The following SETD1A variants were observed in gnomAD, a reference collection of about 807,000 sequenced individuals.
SETD1A encodes the protein histone-lysine N-methyltransferase SETD1A.
A neutral mutation model predicts 149.9 loss-of-function variants in SETD1A; 29 were observed. That is an observed-to-expected ratio of 0.19 (90% CI 0.14 to 0.26). SETD1A has a LOEUF of 0.26. Among genes scored for constraint, SETD1A ranks in the 10% least tolerant of loss-of-function variants. The probability of loss-of-function intolerance (pLI) is 1.00; values close to 1 mark genes in which losing one functional copy is unlikely to be tolerated. For missense variants in SETD1A, 2,109 were observed against 2,353.1 expected (o/e 0.90, Z 2.15); for synonymous variants, 1,141 against 968.5 (o/e 1.18, Z -3.31).
Position 30,965,899 on chromosome 16 carries a change from G to T in SETD1A, c.2018G>T (p.Trp673Leu). The T allele has an allele frequency of 6.2e-7, 1 of 1,613,062 alleles. No individual in the cohort carries two copies. The highest frequency in any genetic ancestry group is 8.5e-7 in the Non-Finnish European group (1 of 1,179,728). ...CTCATGGACCGACTTGGGGCTCAGT[G>T]GGGAGGGATGCCCATGTCCTTCCAG... ...LELMDRLGAQ[W>L]GGMPMSFQMQ... is the part of the protein sequence containing the mutation. The change falls in exon 8 of 19, where the codon TGG (tryptophan) becomes TTG (leucine). Residue 673 changes from tryptophan to leucine, a missense_variant. Physicochemically the swap from Trp to Leu is moderately conservative, Grantham distance 61 (BLOSUM62 -2). Coordinates refer to ENST00000262519, the MANE Select transcript of SETD1A (RefSeq NM_014712.3).
intron 13 of SETD1A, among the ~76,000 whole-genome samples, chr16:30,976,786 T>C (rs2056289473): frequency 6.6e-6 from 1 of 152,062 alleles, no homozygotes; most frequent in Non-Finnish European, 1.5e-5. Context: ...CAGGCGTGAT[T>C]GCCAAGTCCC....
chr16:30,964,128 C>T lies in SETD1A; in HGVS notation c.674C>T (p.Ala225Val), dbSNP rs776116671. The change falls in exon 6 of 19, where the codon GCT becomes GTT. Residue 225 changes from alanine to valine, a missense_variant. Transcript: ENST00000262519. Reference protein sequence around the residue: ...ESRRRSSSDTAAYPAGTTAVG... With the variant: ...ESRRRSSSDTVAYPAGTTAVG... ...CGCCGCCGCTCTTCCTCTGACACAG[C>T]TGCCTACCCAGCAGGCACCACTGCG... The T allele has an allele frequency of 3.1e-6, 5 of 1,614,050 alleles. No homozygotes were observed. In the Admixed American group the frequency reaches 8.3e-5, roughly 27 times the overall value.
intron 10 of SETD1A, among the ~76,000 whole-genome samples, chr16:30,968,419 CATAT>C (rs57608562): frequency 8.9e-5 from 13 of 145,346 alleles, no homozygotes; most frequent in South Asian, 6.5e-4. Context: ...AAAAAAAATA[CATAT>C]ATATATATAT....
chr16:30,959,207 T>C (rs190809952), intron 3 of SETD1A, 21 bp downstream of exon 3: 14 of 1,485,916 alleles, frequency 9.4e-6, no homozygotes, highest in Middle Eastern at 1.7e-4. Context: ...GCTGGGCTCC[T>C]GGTGTGGTAG....
At position 30,965,451 on chromosome 16, in the gene SETD1A, G is replaced by C; in HGVS notation, c.1709G>C (p.Gly570Ala). The change falls in exon 7 of 19, where the codon GGA becomes GCA. Residue 570 changes from glycine to alanine, a missense_variant. Around this residue, in one of 8 missense-constraint regions of SETD1A, gnomAD observed 431 missense variants for 388.6 expected, o/e 1.11. Coordinates refer to ENST00000262519, the MANE Select transcript of SETD1A (RefSeq NM_014712.3). ...GATRESPKAN[G>A]QNQASPCSSG... ...ACCCGGGAGTCTCCCAAGGCAAATG[G>C]ACAGAACCAGGTGAGGTTGGGGTCA... 6.3e-7 allele frequency: 1 copy of C among 1,596,140 alleles called. No homozygotes were observed. The highest frequency in any genetic ancestry group is 8.6e-7 in the Non-Finnish European group (1 of 1,167,170).
At chr16:30,978,663 G>C (rs1056708084) in intron 13 of SETD1A, among the ~76,000 whole-genome samples, 8 of 152,214 alleles carry the variant, frequency 5.3e-5, no homozygotes, top group Admixed American at 1.3e-4. Flanking sequence ...AGGTTGTATC[G>C]TGTTCACCTT....
intron 13 of SETD1A, among the ~76,000 whole-genome samples, chr16:30,978,375 T>C (rs576113393): frequency 2.4e-4 from 36 of 152,104 alleles, no homozygotes; most frequent in Non-Finnish European, 3.8e-4. Context: ...ACAAAATCCA[T>C]TGGGCTGGCT....
rs1047067626 is a variant in SETD1A at position 30,966,186 on chromosome 16, G to T, written c.2305G>T (p.Ala769Ser). The T allele has an allele frequency of 1.9e-6, 3 of 1,612,040 alleles. No individual in the cohort carries two copies. The African/African-American group carries it at 4.0e-5, about 22-fold the overall frequency. The stretch of plus-strand genomic sequence containing the variant: ...CTCCTCCTCAGTCTCGGGAGAGGAG[G>T]CCCGGCTGCCACCCAGGGAAGAAGC... ...LPSSSVSGEE[A>S]RLPPREEAEL... The change falls in exon 8 of 19, where the codon GCC becomes TCC. Residue 769 changes from alanine to serine, a missense_variant. By Grantham distance (99) the Ala-to-Ser change is moderately conservative. This residue lies in a region of SETD1A where 431 missense variants were observed against 388.6 expected (regional missense o/e 1.11). Coordinates refer to ENST00000262519, the MANE Select transcript of SETD1A (RefSeq NM_014712.3).
rs184599127 is a variant in SETD1A at position 30,977,556 on chromosome 16, G to A, written c.3359-1589G>A. Among the ~76,000 whole-genome samples the A allele has an allele frequency of 3.9e-5, 6 of 152,316 alleles. 1 individual carries two copies. Among genetic ancestry groups the A allele is most frequent in the Admixed American group, 1.3e-4 (2 of 15,284 alleles). On this transcript the variant is annotated intron_variant, in intron 13 of 18. Transcript: ENST00000262519. ...GTGCTGGTGGAGGAGTGTGTTCTTC[G>A]AGCGAGGCTTCCCGAGGACATGCAT... is the stretch of plus-strand genomic sequence containing the variant.
intron 13 of SETD1A, among the ~76,000 whole-genome samples, chr16:30,972,014 C>T (rs1223764231): frequency 6.6e-6 from 1 of 152,118 alleles, no homozygotes; most frequent in Non-Finnish European, 1.5e-5. Flanking sequence ...GTTCTTCCTC[C>T]TAATTTTTCT....
At position 30,979,994 on chromosome 16, in the gene SETD1A, C is replaced by T. The variant is rs762308202; in HGVS notation, c.4208C>T (p.Pro1403Leu). ...CGCTCCCACGCCCGGCGCCGCCGCC[C>T]TCCGCCCCCACCCCCGCCGCCACCG... ...SLRSHARRRR[P>L]PPPPPPPPPR... is the part of the protein sequence containing the mutation. Residue 1403 changes from proline to leucine, a missense_variant, in exon 14 of 19, where the codon CCT (proline) becomes CTT (leucine). Around this residue, in one of 8 missense-constraint regions of SETD1A, gnomAD observed 832 missense variants for 815.6 expected, o/e 1.02. Coordinates refer to ENST00000262519, the MANE Select transcript of SETD1A (RefSeq NM_014712.3). 2.0e-6 allele frequency: 3 copies of T among 1,487,020 alleles called. No individual in the cohort carries two copies. The highest frequency in any genetic ancestry group is 1.8e-6 in the Non-Finnish European group (2 of 1,121,880). The allele number at this position is 1,487,020 out of a possible 1,614,324, so 92.1% of individuals were successfully genotyped here. A position where few individuals can be genotyped will look rare whatever the true frequency, so the allele number is the denominator to read the frequency against.
intron 8 of SETD1A, 124 bp downstream of exon 8, chr16:30,966,510 C>T (rs1046573595): frequency 7.1e-6 from 10 of 1,408,604 alleles, no homozygotes; most frequent in Non-Finnish European, 9.4e-6. Context: ...AGGCCGCAGG[C>T]CCTGCAGGCC....
Position 30,966,072 on chromosome 16 carries a change from G to A in SETD1A, c.2191G>A (p.Ala731Thr), listed in dbSNP as rs1419922419. Residue 731 changes from alanine (A) to threonine (T), a missense_variant, in exon 8 of 19, where the codon GCT (alanine) becomes ACT (threonine). This residue lies in a region of SETD1A where 431 missense variants were observed against 388.6 expected (regional missense o/e 1.11). Coordinates refer to ENST00000262519, the MANE Select transcript of SETD1A (RefSeq NM_014712.3). ...GGAGGCAGCCTACGGCTTGCCGTATGCTCTATATGCACAGGGGCAGGAGGG... is the reference window on the plus strand; with the variant it reads ...GGAGGCAGCCTACGGCTTGCCGTATACTCTATATGCACAGGGGCAGGAGGG... ...PQEAAYGLPY[A>T]LYAQGQEGRG... is the part of the protein sequence containing the mutation. 1.9e-6 allele frequency: 3 copies of A among 1,584,912 alleles called. No individual in the cohort carries two copies. The highest frequency in any genetic ancestry group is 3.4e-4 in the Middle Eastern group (2 of 5,904).
chr16:30,980,238 C>T lies in SETD1A; in HGVS notation c.4408+44C>T, dbSNP rs2056354651. ...GCCTTCCCCGGGCTTGGGTCCTCCC[C>T]CGACCCCTCCAGGCACCTGCATCTG... On this transcript the variant is annotated intron_variant, in intron 14 of 18. Transcript: ENST00000262519. This position sits in a 1 kb window ranked among gnomAD's most constrained non-coding sequence, Gnocchi z 7.7. 1 of 1,549,196 alleles carries T rather than the reference C, an allele frequency of 6.5e-7. No homozygotes were observed. The highest frequency in any genetic ancestry group is 2.3e-5 in the East Asian group (1 of 43,784).
rs946359850 is a variant in SETD1A, at chr16:30,961,794, A to T, written c.517+257A>T. Among the ~76,000 whole-genome samples, 3 of 152,028 alleles carry T rather than the reference A, an allele frequency of 2.0e-5. No individual in the cohort carries two copies. The highest frequency in any genetic ancestry group is 4.4e-5 in the Non-Finnish European group (3 of 67,994). On this transcript the variant is annotated intron_variant, in intron 4 of 18. Transcript: ENST00000262519. The surrounding 1 kb of genome is among the most constrained non-coding windows in gnomAD (Gnocchi z 4.0). ...GTAAAAAAAAAAAAAAATCATATGA[A>T]GGGTTGTACTAGGTAAGATGAATAG...
Position 30,964,981 on chromosome 16 carries a change from G to T in SETD1A, c.1239G>T (p.Leu413=). 1 of 1,613,754 alleles carries T rather than the reference G, an allele frequency of 6.2e-7. No homozygotes were observed. Among genetic ancestry groups the T allele is most frequent in the East Asian group, 2.2e-5 (1 of 44,872 alleles). ...ERFPPSYTSY[L]PPEPSRPTDQ... is the part of the protein sequence containing the mutation. Reference sequence around the variant, plus strand: ...TCCCACCTTCTTACACCTCCTACCTGCCCCCCGAGCCCAGCCGGCCCACCG... The same window carrying T: ...TCCCACCTTCTTACACCTCCTACCTTCCCCCCGAGCCCAGCCGGCCCACCG... Residue 413 remains leucine, a synonymous_variant, in exon 7 of 19, where the codon CTG becomes CTT. Coordinates refer to ENST00000262519, the MANE Select transcript of SETD1A (RefSeq NM_014712.3).
intron 4 of SETD1A, among the ~76,000 whole-genome samples, chr16:30,962,972 T>C (rs1429922039): frequency 6.6e-6 from 1 of 152,146 alleles, no homozygotes; most frequent in African/African-American, 2.4e-5. Context: ...CCTCACAAGG[T>C]GTTTCTGAGG....
intron 8 of SETD1A, 143 bp from the exon 9 acceptor site, chr16:30,966,741 G>A (rs898897863): frequency 1.5e-5 from 14 of 951,648 alleles, no homozygotes; most frequent in African/African-American, 3.3e-5. Context: ...AGAAAATGCC[G>A]TGCGGGGGCT....
rs2056330438 is a variant in SETD1A at position 30,979,321 on chromosome 16, C to G, written c.3535C>G (p.Pro1179Ala). Residue 1179 changes from proline to alanine, a missense_variant, in exon 14 of 19, where the codon CCG (proline) becomes GCG (alanine). Physicochemically the swap from Pro to Ala is conservative, Grantham distance 27 (BLOSUM62 -1). Transcript: ENST00000262519. Reference protein sequence around the residue: ...SFSAIEVVPAPEPPPATPPQA... With the variant: ...SFSAIEVVPAAEPPPATPPQA... Reference sequence around the variant, plus strand: ...CTCTGCCATCGAGGTGGTGCCAGCCCCGGAGCCCCCTCCAGCCACACCGCC... The same window carrying G: ...CTCTGCCATCGAGGTGGTGCCAGCCGCGGAGCCCCCTCCAGCCACACCGCC... The G allele has an allele frequency of 3.7e-6, 6 of 1,613,582 alleles. No homozygotes were observed. In the East Asian group the frequency reaches 1.3e-4, roughly 36 times the overall value.
Sources: allele counts gnomAD v4.1 joint callset (sites outside exome capture counted in the v4.1 genomes callset), GRCh38; gene constraint gnomAD v4.1.1; regional missense constraint gnomAD v4.1.1; non-coding constraint Gnocchi (gnomAD v3.1); transcripts MANE v1.5; gene names NCBI Gene and HGNC (gene_info 2026-07-23, HGNC 2026-07-21).